The following MYO3B variants were observed in gnomAD, a reference collection of about 807,000 sequenced individuals.
MYO3B encodes myosin IIIB, also known as myosin-IIIb.
In MYO3B, 156 loss-of-function variants were observed where a neutral mutation model predicts 174.6. That is an observed-to-expected ratio of 0.89 (90% CI 0.78 to 1.02). The LOEUF (loss-of-function observed/expected upper bound fraction) is 1.02, where lower values mean the gene tolerates loss of function less well. Ranked by LOEUF, MYO3B falls within the 50% of genes least tolerant of loss-of-function variation. The pLI is 0.00. For missense variants in MYO3B, 1,632 were observed against 1,639.4 expected, an observed-to-expected ratio of 1.00 and a Z score of 0.08; for synonymous variants, 563 against 569.1, an observed-to-expected ratio of 0.99 and a Z score of 0.15.
At chr2:170,258,122 C>T (rs2093318602) in intron 7 of MYO3B, among the ~76,000 whole-genome samples, 1 of 152,074 alleles carries the variant, frequency 6.6e-6, no homozygotes, top group Admixed American at 6.5e-5. Context: ...TAGATGGATT[C>T]CCAGCTGAAT....
intron 24 of MYO3B, among the ~76,000 whole-genome samples, chr2:170,465,415 C>T (rs747412711): frequency 4.6e-5 from 7 of 152,156 alleles, no homozygotes; most frequent in South Asian, 2.1e-4. Context: ...CACTCATTGC[C>T]GTGAGGACAG....
chr2:170,375,630 A>G (rs1388825578), intron 9 of MYO3B, among the ~76,000 whole-genome samples: 1 of 151,950 alleles, frequency 6.6e-6, no homozygotes, highest in Non-Finnish European at 1.5e-5. Context: ...AATGACCTTT[A>G]AAAACAGATT....
intron 1 of MYO3B, 118 bp downstream of exon 1, chr2:170,178,407 C>T: frequency 7.7e-7 from 1 of 1,298,806 alleles, no homozygotes; most frequent in South Asian, 1.2e-5. Context: ...GACAGCCACT[C>T]TGGCTTTGGG....
intron 1 of MYO3B, among the ~76,000 whole-genome samples, chr2:170,193,166 T>C (rs977395202): frequency 1.3e-5 from 2 of 152,012 alleles, no homozygotes; most frequent in African/African-American, 4.8e-5. Flanking sequence ...TTTTGACATA[T>C]TGTTTTTGAT....
At chr2:170,514,780 C>G in intron 28 of MYO3B, 141 bp from the exon 29 acceptor site, 1 of 625,882 alleles carries the variant, frequency 1.6e-6, no homozygotes, top group South Asian at 2.1e-5. Flanking sequence ...GCACCAAGTT[C>G]ATAAGTGAGA....
chr2:170,538,477 C>T (rs1689869456), intron 30 of MYO3B, among the ~76,000 whole-genome samples: 4 of 152,300 alleles, frequency 2.6e-5, no homozygotes, highest in Middle Eastern at 3.4e-3. Context: ...GTGCCACCGG[C>T]GCAGCGTGAC....
chr2:170,211,271 A>G (rs1311799677), intron 3 of MYO3B, among the ~76,000 whole-genome samples: 1 of 152,222 alleles, frequency 6.6e-6, no homozygotes, highest in East Asian at 1.9e-4. Context: ...GCCTTTTTCC[A>G]GCAAAGCAAG....
intron 32 of MYO3B, among the ~76,000 whole-genome samples, chr2:170,616,319 C>T (rs1255769614): frequency 1.3e-5 from 2 of 152,136 alleles, no homozygotes; most frequent in African/African-American, 4.8e-5. Context: ...GCATTCCATT[C>T]CTAGAGCTAT....
intron 9 of MYO3B, among the ~76,000 whole-genome samples, chr2:170,371,750 G>A (rs192769562): frequency 1.3e-4 from 20 of 150,948 alleles, no homozygotes; most frequent in Admixed American, 3.3e-4. Context: ...CTAATTACCC[G>A]CTCATCATTT....
chr2:170,384,109 C>G (rs563323126), intron 12 of MYO3B, among the ~76,000 whole-genome samples: 1 of 152,120 alleles, frequency 6.6e-6, no homozygotes, highest in Non-Finnish European at 1.5e-5. Flanking sequence ...ACAGTGCAAA[C>G]GCAACCTGAT....
intron 32 of MYO3B, among the ~76,000 whole-genome samples, chr2:170,584,875 G>A (rs544959509): frequency 6.6e-6 from 1 of 152,324 alleles, no homozygotes; most frequent in Admixed American, 6.5e-5. Flanking sequence ...TAGACAGTAG[G>A]TAGTTACTCT....
intron 32 of MYO3B, among the ~76,000 whole-genome samples, chr2:170,598,253 T>A (rs1261686108): frequency 6.6e-6 from 1 of 152,184 alleles, no homozygotes; most frequent in Non-Finnish European, 1.5e-5. Context: ...TTCAAATGGT[T>A]CTGTTTAGAG....
intron 6 of MYO3B, among the ~76,000 whole-genome samples, chr2:170,224,296 G>C (rs1391846429): frequency 6.6e-6 from 1 of 152,204 alleles, no homozygotes; most frequent in Non-Finnish European, 1.5e-5. Context: ...GAGGAATCGA[G>C]CCCAAATTCA....
intron 7 of MYO3B, among the ~76,000 whole-genome samples, chr2:170,327,204 G>A (rs2093874893): frequency 6.6e-6 from 1 of 152,318 alleles, no homozygotes; most frequent in Admixed American, 6.5e-5. Flanking sequence ...GGCCCACATG[G>A]TAAAACCCTG....
At chr2:170,329,121 C>T (rs1296414543) in intron 7 of MYO3B, among the ~76,000 whole-genome samples, 1 of 150,924 alleles carries the variant, frequency 6.6e-6, no homozygotes, top group Non-Finnish European at 1.5e-5. Flanking sequence ...CATTGCACTC[C>T]ATCCTGGGCG....
rs1490494651 is a variant in MYO3B, at chr2:170,402,870, G to A, written c.2152G>A (p.Val718Met). The change falls in exon 19 of 35, where the codon GTG becomes ATG. Residue 718 changes from valine to methionine, a missense_variant. Transcript: ENST00000408978. ...CAGTAGTGCAGGAGGTGGAATGAAT[G>A]TGGGGATCTTGGATATCTTTGGATT... ...NICSAGGGMN[V>M]GILDIFGFEN... is the part of the protein sequence containing the mutation. 4.3e-6 allele frequency: 7 copies of A among 1,611,984 alleles called. 1 individual carries two copies. In the African/African-American group the frequency reaches 9.3e-5, roughly 21 times the overall value.
At chr2:170,621,745 C>G (rs1194057398) in intron 32 of MYO3B, among the ~76,000 whole-genome samples, 1 of 152,110 alleles carries the variant, frequency 6.6e-6, no homozygotes, top group Non-Finnish European at 1.5e-5. Context: ...CTCCTGACCT[C>G]AAATGATCCA....
At chr2:170,429,064 G>A (rs2094687738) in intron 22 of MYO3B, among the ~76,000 whole-genome samples, 1 of 152,132 alleles carries the variant, frequency 6.6e-6, no homozygotes, top group Admixed American at 6.5e-5. Context: ...AACTTTCTCA[G>A]GCTTAAAAAC....
intron 22 of MYO3B, among the ~76,000 whole-genome samples, chr2:170,437,834 C>G (rs1254368647): frequency 6.6e-6 from 1 of 152,142 alleles, no homozygotes; most frequent in Admixed American, 6.5e-5. Context: ...GCTCTATCGT[C>G]TAACTTCTTT....
Sources: allele counts gnomAD v4.1 joint callset (sites outside exome capture counted in the v4.1 genomes callset), GRCh38; gene constraint gnomAD v4.1.1; transcripts MANE v1.5; gene names NCBI Gene and HGNC (gene_info 2026-07-23, HGNC 2026-07-21).